Variants in GRIA4 observed in about 807,000 individuals in gnomAD.
GRIA4 encodes the protein glutamate ionotropic receptor AMPA type subunit 4.
Under a neutral mutation model 104.0 loss-of-function variants are expected in GRIA4, and 34 were observed. The observed-to-expected ratio is 0.33, with a 90% CI of 0.25 to 0.44. GRIA4 has a LOEUF of 0.44. Among genes scored for constraint, GRIA4 ranks in the 20% least tolerant of loss-of-function variants. The pLI, the probability that GRIA4 is intolerant of heterozygous loss-of-function variation, is 1.00. For missense variants in GRIA4, 750 were observed against 1,096.5 expected, an observed-to-expected ratio of 0.68 and a Z score of 4.46; for synonymous variants, 386 against 381.9, an observed-to-expected ratio of 1.01 and a Z score of -0.13.
chr11:105,940,594 A>G (rs1948158534), intron 14 of GRIA4, among the ~76,000 whole-genome samples: 1 of 152,166 alleles, frequency 6.6e-6, no homozygotes, highest in Admixed American at 6.6e-5. Context: ...TCTACCCTTC[A>G]GTGAAGAATT....
At chr11:105,963,322 C>T (rs967389213) in intron 14 of GRIA4, among the ~76,000 whole-genome samples, 7 of 152,056 alleles carry the variant, frequency 4.6e-5, no homozygotes, top group South Asian at 2.1e-4. Context: ...TCATTATATA[C>T]GTGGTTTATG....
intron 4 of GRIA4, among the ~76,000 whole-genome samples, chr11:105,766,678 G>A (rs1241167621): frequency 6.6e-6 from 1 of 152,106 alleles, no homozygotes; most frequent in Non-Finnish European, 1.5e-5. Context: ...ATTGTTAGCA[G>A]GTTTCTCACT....
At chr11:105,891,610 T>C (rs144011697) in intron 6 of GRIA4, among the ~76,000 whole-genome samples, 151 of 152,256 alleles carry the variant, frequency 9.9e-4, no homozygotes, top group African/African-American at 3.3e-3. Context: ...TATCAGGAGG[T>C]GTTTACCCCA....
intron 4 of GRIA4, among the ~76,000 whole-genome samples, chr11:105,776,924 A>T (rs898039367): frequency 2.0e-5 from 3 of 152,184 alleles, no homozygotes; most frequent in Non-Finnish European, 4.4e-5. Flanking sequence ...ATAAACCTAT[A>T]CCAAGATGTT....
chr11:105,878,472 G>T (rs1373474278), intron 5 of GRIA4, among the ~76,000 whole-genome samples: 1 of 152,218 alleles, frequency 6.6e-6, no homozygotes, highest in Non-Finnish European at 1.5e-5. Context: ...TCTCTTCAGA[G>T]CCAGCAGGCA....
At chr11:105,781,822 C>T (rs1190022186) in intron 4 of GRIA4, among the ~76,000 whole-genome samples, 3 of 152,126 alleles carry the variant, frequency 2.0e-5, no homozygotes, top group Non-Finnish European at 2.9e-5. Context: ...TAAAAAGACA[C>T]CCTACCACCA....
intron 14 of GRIA4, among the ~76,000 whole-genome samples, chr11:105,943,925 C>G (rs146819301): frequency 6.6e-6 from 1 of 151,924 alleles, no homozygotes; most frequent in Non-Finnish European, 1.5e-5. Flanking sequence ...GATAAAAGGG[C>G]TGGTTTGTCA....
At chr11:105,886,109 C>G (rs1946245674) in intron 5 of GRIA4, among the ~76,000 whole-genome samples, 1 of 152,124 alleles carries the variant, frequency 6.6e-6, no homozygotes, top group African/African-American at 2.4e-5. Flanking sequence ...AACATAAGAT[C>G]AGCAGAAATT....
At chr11:105,894,181 A>T (rs1398767094) in intron 6 of GRIA4, among the ~76,000 whole-genome samples, 3 of 152,154 alleles carry the variant, frequency 2.0e-5, no homozygotes, top group Non-Finnish European at 4.4e-5. Flanking sequence ...TTCGAGGGGA[A>T]ACAGTATTAC....
intron 4 of GRIA4, among the ~76,000 whole-genome samples, chr11:105,763,456 C>A (rs1940765644): frequency 6.6e-6 from 1 of 151,972 alleles, no homozygotes; most frequent in Admixed American, 6.6e-5. Flanking sequence ...CTATTTATGG[C>A]AGAATAGAAA....
At chr11:105,929,910 T>C (rs1947824145) in intron 13 of GRIA4, among the ~76,000 whole-genome samples, 1 of 152,256 alleles carries the variant, frequency 6.6e-6, no homozygotes, top group East Asian at 1.9e-4. Flanking sequence ...GATCAGATAG[T>C]TCCCCATGCT....
chr11:105,611,470 A>T (rs1454246982), intron 2 of GRIA4, among the ~76,000 whole-genome samples: 3 of 152,006 alleles, frequency 2.0e-5, no homozygotes, highest in Non-Finnish European at 4.4e-5. Flanking sequence ...AAAAAAATCC[A>T]CTTCTTCCCA....
intron 4 of GRIA4, among the ~76,000 whole-genome samples, chr11:105,760,093 A>T (rs956514839): frequency 1.3e-5 from 2 of 152,162 alleles, no homozygotes; most frequent in African/African-American, 4.8e-5. Context: ...ACTATTAAAT[A>T]TCCCATTTGT....
At chr11:105,729,757 C>G (rs569280791) in intron 3 of GRIA4, among the ~76,000 whole-genome samples, 1 of 152,112 alleles carries the variant, frequency 6.6e-6, no homozygotes, top group Non-Finnish European at 1.5e-5. Context: ...ATATCAAAAA[C>G]CACATGATTA....
chr11:105,795,851 T>C (rs977435415), intron 4 of GRIA4, among the ~76,000 whole-genome samples: 3 of 152,186 alleles, frequency 2.0e-5, no homozygotes, highest in Non-Finnish European at 4.4e-5. Context: ...ACTTTATAGC[T>C]GTTGCCTAAA....
chr11:105,780,130 T>G (rs758373318), intron 4 of GRIA4, among the ~76,000 whole-genome samples: 7 of 152,134 alleles, frequency 4.6e-5, no homozygotes, highest in Non-Finnish European at 8.8e-5. Context: ...TAAGCCCTAT[T>G]TTCGTTACCT....
At chr11:105,895,400 ATAAGGTACC>A (rs1027412882) in intron 6 of GRIA4, among the ~76,000 whole-genome samples, 4 of 151,962 alleles carry the variant, frequency 2.6e-5, no homozygotes, top group Non-Finnish European at 5.9e-5. Context: ...GTGGATTTTT[ATAAGGTACC>A]TAAAATAGTG....
chr11:105,681,616 T>C (rs1330275672), intron 3 of GRIA4, among the ~76,000 whole-genome samples: 1 of 152,184 alleles, frequency 6.6e-6, no homozygotes, highest in East Asian at 1.9e-4. Flanking sequence ...AGATGTTCTG[T>C]AAGTGTAAAG....
At chr11:105,819,736 T>C (rs1217529154) in intron 4 of GRIA4, among the ~76,000 whole-genome samples, 1 of 152,066 alleles carries the variant, frequency 6.6e-6, no homozygotes, top group East Asian at 1.9e-4. Context: ...AGCAACACAA[T>C]GAAATAAATA....
Sources: allele counts gnomAD v4.1 joint callset (sites outside exome capture counted in the v4.1 genomes callset), GRCh38; gene constraint gnomAD v4.1.1; transcripts MANE v1.5; gene names NCBI Gene and HGNC (gene_info 2026-07-23, HGNC 2026-07-21).